LITAF: variants seen among roughly 807,000 people sequenced by gnomAD.
LITAF encodes lipopolysaccharide-induced tumor necrosis factor-alpha factor.
A neutral mutation model predicts 14.5 loss-of-function variants in LITAF; 9 were observed. That is an observed-to-expected ratio of 0.62 (90% CI 0.37 to 1.08). The LOEUF (loss-of-function observed/expected upper bound fraction) is 1.08. Among genes scored for constraint, LITAF ranks in the 50% least tolerant of loss-of-function variants. The probability of loss-of-function intolerance (pLI) is 0.01; values close to 1 mark genes in which losing one functional copy is unlikely to be tolerated. For missense variants in LITAF, 206 were observed against 213.4 expected, an observed-to-expected ratio of 0.97 and a Z score of 0.22; for synonymous variants, 98 against 88.2, an observed-to-expected ratio of 1.11 and a Z score of -0.62.
At position 11,598,237 on chromosome 16, in the gene LITAF, C is replaced by G. The variant is rs187672971; in HGVS notation, c.-6+151G>C. On this transcript the variant is annotated intron_variant, in intron 1 of 3. Transcript: ENST00000571627. ...CTTGGGTCTCCATGCAAGTTTCTCT[C>G]CTCTCTTGGGGCACCCACTGAGGCC... 2.3e-4 allele frequency among the ~76,000 whole-genome samples: 35 copies of G among 152,040 alleles called. No individual in the cohort carries two copies. The East Asian group carries it at 5.0e-3, about 22-fold the overall frequency.
upstream of LITAF, among the ~76,000 whole-genome samples, chr16:11,637,165 A>G (rs2065141426): frequency 6.6e-6 from 1 of 152,202 alleles, no homozygotes; most frequent in Admixed American, 6.5e-5. Flanking sequence ...TGCTATGATT[A>G]TAGGCGCAGG....
intron 1 of LITAF, among the ~76,000 whole-genome samples, chr16:11,578,336 T>C (rs1374158963): frequency 6.6e-6 from 1 of 152,130 alleles, no homozygotes; most frequent in Non-Finnish European, 1.5e-5. Flanking sequence ...GGCGGGTGGA[T>C]CACCTGAGGT....
chr16:11,618,011 C>G (rs1597373057), intron 3 of LITAF, among the ~76,000 whole-genome samples: 1 of 152,208 alleles, frequency 6.6e-6, no homozygotes, highest in Middle Eastern at 3.4e-3. Flanking sequence ...GCTGGGACTA[C>G]AGGTGCATGC....
chr16:11,615,696 T>C (rs1048406914), intron 3 of LITAF, among the ~76,000 whole-genome samples: 1 of 151,912 alleles, frequency 6.6e-6, no homozygotes, highest in African/African-American at 2.4e-5. Flanking sequence ...TAAAATAAAA[T>C]AATAAAAAAA....
intron 3 of LITAF, among the ~76,000 whole-genome samples, chr16:11,609,648 C>T (rs1335683318): frequency 3.9e-5 from 6 of 152,196 alleles, no homozygotes; most frequent in Non-Finnish European, 5.9e-5. Flanking sequence ...TTCCCGGCTG[C>T]GTGACCGTGA....
chr16:11,565,637 G>A (rs1009297855), intron 1 of LITAF, among the ~76,000 whole-genome samples: 8 of 151,866 alleles, frequency 5.3e-5, no homozygotes, highest in Non-Finnish European at 8.8e-5. Context: ...TGACTAGCGC[G>A]ACTCCCTGCT....
chr16:11,602,078 G>A (rs1597367687), upstream of LITAF, among the ~76,000 whole-genome samples: 1 of 152,198 alleles, frequency 6.6e-6, no homozygotes, highest in East Asian at 1.9e-4. Context: ...TGCCCAATGG[G>A]GCCGGGTGCA....
upstream of LITAF, among the ~76,000 whole-genome samples, chr16:11,598,778 T>C (rs558676106): frequency 3.3e-5 from 5 of 152,192 alleles, no homozygotes; most frequent in South Asian, 1.0e-3. Flanking sequence ...GTCATGACAA[T>C]GAGATAAAGC....
chr16:11,622,490 T>A, intron 3 of LITAF, among the ~76,000 whole-genome samples: 1 of 152,210 alleles, frequency 6.6e-6, no homozygotes, highest in East Asian at 1.9e-4. Context: ...ACTTGTGAAC[T>A]TCATTTTAAT....
intron 1 of LITAF, chr16:11,561,683 C>T (rs145260585): frequency 6.6e-6 from 1 of 152,308 alleles, no homozygotes; most frequent in Non-Finnish European, 1.5e-5. Context: ...GGCCCCAAGG[C>T]CAGGAAATGC....
chr16:11,585,050 A>G (rs1054571784), intron 1 of LITAF, among the ~76,000 whole-genome samples: 1 of 152,102 alleles, frequency 6.6e-6, no homozygotes, highest in African/African-American at 2.4e-5. Flanking sequence ...TCTACTAAAA[A>G]TGCAAAAATT....
At chr16:11,616,122 G>A (rs760649777) in intron 3 of LITAF, among the ~76,000 whole-genome samples, 3 of 152,146 alleles carry the variant, frequency 2.0e-5, no homozygotes, top group Non-Finnish European at 2.9e-5. Flanking sequence ...TACATTCAGG[G>A]CCCTTCCAGA....
chr16:11,594,521 AT>A (rs2064869760), intron 1 of LITAF, among the ~76,000 whole-genome samples: 1 of 152,146 alleles, frequency 6.6e-6, no homozygotes. Context: ...GATCCCACTT[AT>A]TTTGTTAAAA....
chr16:11,611,141 G>A (rs2064980157), intron 3 of LITAF, among the ~76,000 whole-genome samples: 1 of 152,062 alleles, frequency 6.6e-6, no homozygotes, highest in Admixed American at 6.6e-5. Flanking sequence ...TTGAGGCCAG[G>A]AGTTCAAGAC....
At chr16:11,596,147 G>C in intron 1 of LITAF, among the ~76,000 whole-genome samples, 1 of 152,088 alleles carries the variant, frequency 6.6e-6, no homozygotes. Context: ...TCCCCTCGGG[G>C]TGTGGGACCA....
At chr16:11,625,953 G>A (rs2065081058) in intron 3 of LITAF, among the ~76,000 whole-genome samples, 2 of 152,118 alleles carry the variant, frequency 1.3e-5, no homozygotes. Flanking sequence ...GCACAGAGAG[G>A]TTGGGTGACC....
intron 3 of LITAF, among the ~76,000 whole-genome samples, chr16:11,628,512 T>C (rs2065098359): frequency 6.6e-6 from 1 of 152,152 alleles, no homozygotes; most frequent in African/African-American, 2.4e-5. Context: ...TTTTATTTTT[T>C]TGTTTCTTTT....
rs1248889078 is a variant in LITAF, at chr16:11,618,836, A to G, written c.85+14697T>C. 3.9e-5 allele frequency among the ~76,000 whole-genome samples: 6 copies of G among 151,994 alleles called. No homozygotes were observed. The East Asian group carries it at 1.2e-3, about 29-fold the overall frequency. On this transcript the variant is annotated intron_variant, in intron 3 of 3. Coordinates refer to the LITAF transcript ENST00000574848. ...TGTCTCTACTAAAAATACGAAAGTT[A>G]GCCGGGCGTGGTGGTGGGTGCCTGT...
chr16:11,575,765 A>C (rs552022636), intron 1 of LITAF, among the ~76,000 whole-genome samples: 1 of 152,222 alleles, frequency 6.6e-6, no homozygotes, highest in Non-Finnish European at 1.5e-5. Context: ...AAGTTGAAAC[A>C]CAGCAGAAAC....
Sources: allele counts gnomAD v4.1 joint callset (sites outside exome capture counted in the v4.1 genomes callset), GRCh38; gene constraint gnomAD v4.1.1; transcripts MANE v1.5; gene names NCBI Gene and HGNC (gene_info 2026-07-23, HGNC 2026-07-21).